MAPK10: variants seen among roughly 807,000 people sequenced by gnomAD.
MAPK10 encodes mitogen-activated protein kinase 10.
In MAPK10, 25 loss-of-function variants were observed where a neutral mutation model predicts 59.3. That is an observed-to-expected ratio of 0.42 (90% CI 0.31 to 0.59). The LOEUF is 0.59. MAPK10 is among the 20% of genes least tolerant of loss of function. The probability of loss-of-function intolerance (pLI) is 0.15; values close to 1 mark genes in which losing one functional copy is unlikely to be tolerated. For missense variants in MAPK10, 351 were observed against 568.9 expected (o/e 0.62, Z 3.90); for synonymous variants, 190 against 200.5 (o/e 0.95, Z 0.44).
chr4:86,251,645 T>C (rs2093440778), intron 2 of MAPK10, among the ~76,000 whole-genome samples: 1 of 135,312 alleles, frequency 7.4e-6, no homozygotes, highest in Non-Finnish European at 1.5e-5. Flanking sequence ...TACATGTGCA[T>C]GTGTCTTTAT....
At chr4:86,103,089 GT>G (rs2149076078) in intron 6 of MAPK10, 96 bp downstream of exon 6, 15 of 734,030 alleles carry the variant, frequency 2.0e-5, no homozygotes, top group Middle Eastern at 2.5e-4. Flanking sequence ...GTGTGTGTGT[GT>G]GTGTGTGTGT....
chr4:86,512,155 C>T (rs1407604906), intron 1 of MAPK10, among the ~76,000 whole-genome samples: 1 of 152,012 alleles, frequency 6.6e-6, no homozygotes, highest in Non-Finnish European at 1.5e-5. Context: ...CTTAAGCTAT[C>T]TATAGTTTAA....
intron 1 of MAPK10, among the ~76,000 whole-genome samples, chr4:86,444,284 G>A (rs918314663): frequency 1.3e-5 from 2 of 151,998 alleles, no homozygotes; most frequent in African/African-American, 4.8e-5. Context: ...GTATTCAAAT[G>A]GCAGAAAATC....
intron 1 of MAPK10, among the ~76,000 whole-genome samples, chr4:86,541,578 A>T (rs1360357875): frequency 6.6e-6 from 1 of 152,170 alleles, no homozygotes; most frequent in Non-Finnish European, 1.5e-5. Flanking sequence ...AGACAGACAG[A>T]GTTGCACTGA....
chr4:86,548,478 C>G (rs1194886430), intron 1 of MAPK10, among the ~76,000 whole-genome samples: 3 of 152,094 alleles, frequency 2.0e-5, no homozygotes, highest in Admixed American at 6.5e-5. Flanking sequence ...GATCTCTGTC[C>G]CCACTAAATT....
At chr4:86,235,504 T>C (rs564049157) in intron 2 of MAPK10, among the ~76,000 whole-genome samples, 2 of 152,334 alleles carry the variant, frequency 1.3e-5, no homozygotes, top group South Asian at 4.1e-4. Flanking sequence ...CCTGTATATA[T>C]GTTATATTTC....
intron 2 of MAPK10, among the ~76,000 whole-genome samples, chr4:86,245,060 A>G (rs2092992553): frequency 6.6e-6 from 1 of 152,138 alleles, no homozygotes; most frequent in Non-Finnish European, 1.5e-5. Context: ...TCTGCTCAAC[A>G]TTCTATTTCA....
chr4:86,177,120 A>C (rs969044161), intron 3 of MAPK10, among the ~76,000 whole-genome samples: 1 of 152,108 alleles, frequency 6.6e-6, no homozygotes, highest in Admixed American at 6.6e-5. Context: ...CATATCTCAA[A>C]ACCACAGCCA....
intron 1 of MAPK10, among the ~76,000 whole-genome samples, chr4:86,501,172 G>T: frequency 7.6e-6 from 1 of 131,782 alleles, no homozygotes; most frequent in African/African-American, 2.9e-5. Flanking sequence ...TTTGAAATTA[G>T]CAATAATGAC....
chr4:86,189,532 T>A (rs1007199719), intron 3 of MAPK10, among the ~76,000 whole-genome samples: 1 of 152,194 alleles, frequency 6.6e-6, no homozygotes, highest in Non-Finnish European at 1.5e-5. Flanking sequence ...AGTTCACTCA[T>A]GATTTGGCTC....
At chr4:86,230,958 G>A (rs950985015) in intron 2 of MAPK10, among the ~76,000 whole-genome samples, 5 of 152,152 alleles carry the variant, frequency 3.3e-5, no homozygotes, top group African/African-American at 9.7e-5. Context: ...AATCTAGACC[G>A]GGGATAACTG....
At chr4:86,349,212 A>C (rs1578692769) in intron 2 of MAPK10, among the ~76,000 whole-genome samples, 1 of 152,188 alleles carries the variant, frequency 6.6e-6, no homozygotes, top group African/African-American at 2.4e-5. Context: ...TATTTAAATA[A>C]GATTATGGAC....
intron 2 of MAPK10, among the ~76,000 whole-genome samples, chr4:86,312,252 T>C (rs1042810075): frequency 2.0e-5 from 3 of 152,146 alleles, no homozygotes; most frequent in Non-Finnish European, 4.4e-5. Context: ...CTAATGGTTT[T>C]AAATGCTGCT....
chr4:86,510,028 A>T (rs999808232), intron 1 of MAPK10, among the ~76,000 whole-genome samples: 2 of 152,230 alleles, frequency 1.3e-5, no homozygotes, highest in Non-Finnish European at 2.9e-5. Flanking sequence ...CAGATAAATA[A>T]GCAATCATAA....
chr4:86,409,531 G>A (rs945093783), intron 1 of MAPK10, among the ~76,000 whole-genome samples: 2 of 152,174 alleles, frequency 1.3e-5, no homozygotes, highest in Non-Finnish European at 2.9e-5. Flanking sequence ...TCCTATCCAT[G>A]AGCATGGAAT....
rs2040369123 is a variant in MAPK10, at chr4:86,036,644, A to G, written c.1111-5213T>C. Among the ~76,000 whole-genome samples the G allele has an allele frequency of 3.3e-5, 5 of 152,236 alleles. No individual in the cohort carries two copies. The South Asian group carries it at 1.0e-3, about 32-fold the overall frequency. ...CCAATTTAAAGAGTAATCCAGAGCA[A>G]GTGTCAATACTGTTGAATCTAAAAT... On this transcript the variant is annotated intron_variant, in intron 11 of 13. Transcript: ENST00000641462.
chr4:86,383,245 G>A (rs2149002836), intron 1 of MAPK10, among the ~76,000 whole-genome samples: 1 of 152,254 alleles, frequency 6.6e-6, no homozygotes, highest in South Asian at 2.1e-4. Context: ...AAGAGGTGTT[G>A]AGTATTTAGT....
intron 1 of MAPK10, among the ~76,000 whole-genome samples, chr4:86,431,112 A>T (rs919189107): frequency 1.3e-5 from 2 of 152,114 alleles, no homozygotes; most frequent in Non-Finnish European, 2.9e-5. Flanking sequence ...AAGAAAAGAG[A>T]AAGAAAAGAA....
chr4:86,301,152 C>T (rs1041665879), intron 2 of MAPK10, among the ~76,000 whole-genome samples: 2 of 152,080 alleles, frequency 1.3e-5, no homozygotes, highest in African/African-American at 4.8e-5. Context: ...CCAAAAATGA[C>T]TCCAGATATT....
Sources: allele counts gnomAD v4.1 joint callset (sites outside exome capture counted in the v4.1 genomes callset), GRCh38; gene constraint gnomAD v4.1.1; transcripts MANE v1.5; gene names NCBI Gene and HGNC (gene_info 2026-07-23, HGNC 2026-07-21).